Variants in CYB5RL observed in about 807,000 individuals in gnomAD.
CYB5RL encodes NADH-cytochrome b5 reductase-like.
A neutral mutation model predicts 37.5 loss-of-function variants in CYB5RL; 38 were observed. That is an observed-to-expected ratio of 1.01 (90% confidence interval 0.78 to 1.33). The LOEUF is 1.33. Ranked by LOEUF, CYB5RL falls within the 40% of genes most tolerant of loss-of-function variation. The probability of loss-of-function intolerance (pLI) is 0.00; values close to 1 mark genes in which losing one functional copy is unlikely to be tolerated. For missense variants in CYB5RL, 388 were observed against 394.4 expected, an observed-to-expected ratio of 0.98 and a Z score of 0.14; for synonymous variants, 141 against 151.9, an observed-to-expected ratio of 0.93 and a Z score of 0.53.
chr1:54,186,690 C>A (rs1363502558), intron 5 of CYB5RL, among the ~76,000 whole-genome samples: 2 of 152,094 alleles, frequency 1.3e-5, no homozygotes, highest in Admixed American at 1.3e-4. Flanking sequence ...ATCTCCCAGA[C>A]AAACAGTTGC....
At chr1:54,183,216 C>T (rs12068370) in intron 6 of CYB5RL, among the ~76,000 whole-genome samples, 1 of 152,028 alleles carries the variant, frequency 6.6e-6, no homozygotes, top group Non-Finnish European at 1.5e-5. Flanking sequence ...TACCTGTAGC[C>T]CGGTTTACCT....
Position 54,174,520 on chromosome 1 carries a change from G to T in CYB5RL, c.*99C>A. 7.1e-7 allele frequency: 1 copy of T among 1,409,126 alleles called. No individual in the cohort carries two copies. Among genetic ancestry groups the T allele is most frequent in the Non-Finnish European group, 9.8e-7 (1 of 1,024,294 alleles). 87.3% of individuals were successfully genotyped at this position (1,409,126 alleles called of 1,614,324 possible). On this transcript the variant is annotated 3_prime_UTR_variant, in exon 8 of 8. Transcript: ENST00000534324. Reference sequence around the variant, plus strand: ...AAGGTCACCTGGCAAATGAGCAGCAGGACCAGGCCTGGACTCCGTGTCTTC... The same window carrying T: ...AAGGTCACCTGGCAAATGAGCAGCATGACCAGGCCTGGACTCCGTGTCTTC...
chr1:54,177,696 A>G (rs1410643948), intron 7 of CYB5RL, among the ~76,000 whole-genome samples: 1 of 152,134 alleles, frequency 6.6e-6, no homozygotes, highest in East Asian at 1.9e-4. Context: ...AAGCCTCATA[A>G]GATTGTGGTG....
chr1:54,184,284 A>T lies in CYB5RL; in HGVS notation c.436-19T>A. 1 of 1,607,832 alleles carries T rather than the reference A, an allele frequency of 6.2e-7. No individual in the cohort carries two copies. Among genetic ancestry groups the T allele is most frequent in the Non-Finnish European group, 8.5e-7 (1 of 1,175,798 alleles). ...GGTAGCACTGGAAGCAAACACAGGG[A>T]GACGTCAGCGGGACAGGTACATGCT... On this transcript the variant is annotated intron_variant, in intron 5 of 7. Transcript: ENST00000534324.
intron 5 of CYB5RL, 100 bp from the exon 6 acceptor site, chr1:54,184,365 T>C: frequency 1.1e-6 from 1 of 939,532 alleles, no homozygotes; most frequent in Non-Finnish European, 1.6e-6. Context: ...TGCTAAGTGC[T>C]TCACATGTGT....
chr1:54,189,245 G>A (rs1386997763), intron 4 of CYB5RL, among the ~76,000 whole-genome samples: 1 of 152,172 alleles, frequency 6.6e-6, no homozygotes, highest in South Asian at 2.1e-4. Flanking sequence ...AAGGAACAGA[G>A]CACAGAGCAT....
rs1350619567 is a variant in CYB5RL, at chr1:54,172,502, CT to C, written c.*2116del. 6.6e-6 allele frequency: 1 copy of C among 152,150 alleles called. No homozygotes were observed. The highest frequency in any genetic ancestry group is 2.4e-5 in the African/African-American group (1 of 41,404). The allele number at this position is 152,150 out of a possible 1,614,324, so 9.4% of individuals were successfully genotyped here. On this transcript the variant is annotated 3_prime_UTR_variant, in exon 8 of 8. Transcript: ENST00000534324. ...ACTCTTAATATGAGTGACTTCAAAG[CT>C]TTTGAAGCCTCTATCCCCGCTGGCA...
At chr1:54,177,411 T>C (rs1660047572) in intron 7 of CYB5RL, among the ~76,000 whole-genome samples, 1 of 152,086 alleles carries the variant, frequency 6.6e-6, no homozygotes, top group South Asian at 2.1e-4. Flanking sequence ...CTAAAAATCT[T>C]CTATTGCTGG....
At chr1:54,178,450 C>T (rs909572891) in intron 7 of CYB5RL, among the ~76,000 whole-genome samples, 2 of 152,156 alleles carry the variant, frequency 1.3e-5, no homozygotes, top group Non-Finnish European at 1.5e-5. Context: ...GAGGGCCTGG[C>T]TTGAGATGAG....
At chr1:54,188,392 A>AC (rs1180974805) in intron 4 of CYB5RL, among the ~76,000 whole-genome samples, 4 of 152,304 alleles carry the variant, frequency 2.6e-5, no homozygotes, top group African/African-American at 7.2e-5. Context: ...CCTCTTCCCG[A>AC]CCACAGAGTG....
intron 6 of CYB5RL, among the ~76,000 whole-genome samples, chr1:54,181,869 C>T (rs1660168969): frequency 6.6e-6 from 1 of 152,222 alleles, no homozygotes; most frequent in Non-Finnish European, 1.5e-5. Flanking sequence ...AGCAAGATTG[C>T]TTTAGCCCAG....
intron 2 of CYB5RL, 85 bp from the exon 3 acceptor site, chr1:54,195,800 C>A (rs1048436823): frequency 8.6e-6 from 5 of 581,964 alleles, no homozygotes; most frequent in Non-Finnish European, 1.4e-5. Context: ...AGGCTCTGTG[C>A]AAGCACTGGG....
chr1:54,170,766 T>C lies in CYB5RL; in HGVS notation c.*3853A>G, dbSNP rs1659873515. On this transcript the variant is annotated 3_prime_UTR_variant, in exon 8 of 8. Coordinates refer to ENST00000534324, the MANE Select transcript of CYB5RL (RefSeq NM_001031672.4). Reference sequence around the variant, plus strand: ...GCACTCATGTGTCACACACAACCTTTACCACAATCACATGCTGGAACTTGT... The same window carrying C: ...GCACTCATGTGTCACACACAACCTTCACCACAATCACATGCTGGAACTTGT... 1 of 271,884 alleles carries C rather than the reference T, an allele frequency of 3.7e-6. No homozygotes were observed. The highest frequency in any genetic ancestry group is 2.2e-5 in the African/African-American group (1 of 45,960). The allele number at this position is 271,884 out of a possible 1,614,324, so 16.8% of individuals were successfully genotyped here.
chr1:54,197,945 G>A (rs538010082), intron 1 of CYB5RL, among the ~76,000 whole-genome samples: 93 of 148,120 alleles, frequency 6.3e-4, no homozygotes, highest in Admixed American at 1.1e-3. Flanking sequence ...GGAGAATGGC[G>A]TGAACCCAGG....
At chr1:54,184,305 A>G (rs760994844) in intron 5 of CYB5RL, 40 bp from the exon 6 acceptor site, 41 of 1,560,338 alleles carry the variant, frequency 2.6e-5, no homozygotes, top group Non-Finnish European at 3.5e-5. Flanking sequence ...GGACAGGTAC[A>G]TGCTGCCAAC....
rs186103089 is a variant in CYB5RL, at chr1:54,198,446, C to T, written c.-223+1530G>A. On this transcript the variant is annotated intron_variant, in intron 1 of 7. Transcript: ENST00000534324. ...CTCCCGGGTTCACATCATTCTCTTG[C>T]CTCAGCCTCCCGAGTAGCTGGGACT... 9.9e-4 allele frequency among the ~76,000 whole-genome samples: 150 copies of T among 151,020 alleles called. No homozygotes were observed. In the Middle Eastern group the frequency reaches 0.01, roughly 10 times the overall value.
In CYB5RL at chr1:54,171,537, G is replaced by C; in HGVS notation, c.*3082C>G. Reference sequence around the variant, plus strand: ...CTGAACTAAAGCCAATGCCGCTTCTGCGACCAAGAATCTGTCCTCAGGCCC... The same window carrying C: ...CTGAACTAAAGCCAATGCCGCTTCTCCGACCAAGAATCTGTCCTCAGGCCC... On this transcript the variant is annotated 3_prime_UTR_variant, in exon 8 of 8. Coordinates refer to ENST00000534324, the MANE Select transcript of CYB5RL (RefSeq NM_001031672.4). 2.4e-6 allele frequency: 1 copy of C among 417,232 alleles called. No homozygotes were observed. The allele number at this position is 417,232 out of a possible 1,614,324, so 25.8% of individuals were successfully genotyped here. A position where few individuals can be genotyped will look rare whatever the true frequency, so the allele number is the denominator to read the frequency against.
rs371181170 is a variant in CYB5RL at position 54,187,701 on chromosome 1, G to A, written c.386C>T (p.Thr129Met). The change falls in exon 5 of 8, where the codon ACG becomes ATG. Residue 129 changes from threonine to methionine, a missense_variant. Coordinates refer to ENST00000534324, the MANE Select transcript of CYB5RL (RefSeq NM_001031672.4). ...VDDLEIQRAY[T>M]PISPANAEGY... The stretch of plus-strand genomic sequence containing the variant: ...TTCTGCGTTGGCAGGGCTGATGGGC[G>A]TATAGGCTCTCTGAATTTCTAAGTC... The A allele has an allele frequency of 3.0e-5, 48 of 1,613,972 alleles. No individual in the cohort carries two copies. The highest frequency in any genetic ancestry group is 1.6e-4 in the Middle Eastern group (1 of 6,062).
rs752009842 is a variant in CYB5RL, at chr1:54,179,239, G to A, written c.654C>T (p.Cys218=). ...GGTAGATGCTCTCAAAGGTCTTGAA[G>A]CAACCGACCAGAGTGACAAAAGTCT... ...NDETFVTLVG[C]FKTFESIYLK... Residue 218 remains cysteine (C), a synonymous_variant, in exon 7 of 8, where the codon TGC becomes TGT. Coordinates refer to ENST00000534324, the MANE Select transcript of CYB5RL (RefSeq NM_001031672.4). 1.2e-6 allele frequency: 2 copies of A among 1,613,768 alleles called. No homozygotes were observed. The highest frequency in any genetic ancestry group is 1.7e-5 in the Admixed American group (1 of 59,986).
Sources: gnomAD v4.1 joint callset for allele counts (sites outside exome capture counted in the v4.1 genomes callset) on GRCh38, gnomAD v4.1.1 for gene constraint, MANE v1.5 for transcripts, NCBI Gene and HGNC (gene_info 2026-07-23, HGNC 2026-07-21) for gene names.